The following HTR2C variants were observed in gnomAD, a reference collection of about 807,000 sequenced individuals.
HTR2C encodes 5-hydroxytryptamine receptor 2C, also known as 5-hydroxytryptamine (serotonin) receptor 2C, G protein-coupled.
A neutral mutation model predicts 21.0 loss-of-function variants in HTR2C; 5 were observed. The ratio of observed to expected loss-of-function variants is 0.24; its 90% CI spans 0.12 to 0.50. The LOEUF (loss-of-function observed/expected upper bound fraction) is 0.50, where lower values mean the gene tolerates loss of function less well. HTR2C is among the 20% of genes least tolerant of loss of function. The pLI, the probability that HTR2C is intolerant of heterozygous loss-of-function variation, is 0.98. For synonymous variants in HTR2C, 150 were observed against 145.3 expected (o/e 1.03, Z -0.23); for missense variants, 271 against 371.2 (o/e 0.73, Z 2.22).
rs111662322 is a variant in HTR2C at position 114,622,088 on chromosome X, T to C, written c.-80+8207T>C. On this transcript the variant is annotated intron_variant, in intron 2 of 5. Transcript: ENST00000276198. Reference sequence around the variant, plus strand: ...ATGCTTTATACAAATGATCAGGGCTTGCAAATTTATTGATGAAATGGGAAA... The same window carrying C: ...ATGCTTTATACAAATGATCAGGGCTCGCAAATTTATTGATGAAATGGGAAA... Among the ~76,000 whole-genome samples, 783 of 111,906 alleles carry C rather than the reference T, an allele frequency of 7.0e-3. 3 individuals are homozygous for C. The highest frequency in any genetic ancestry group is 0.01 in the Admixed American group (107 of 10,518).
At chrX:114,755,307 G>A (rs1470227704) in intron 4 of HTR2C, among the ~76,000 whole-genome samples, 2 of 109,675 alleles carry the variant, frequency 1.8e-5, no homozygotes, top group East Asian at 2.9e-4. Flanking sequence ...TCTGAAATCA[G>A]TACTATTAAA....
chrX:114,769,272 G>A (rs1305941552), intron 4 of HTR2C, among the ~76,000 whole-genome samples: 1 of 110,940 alleles, frequency 9.0e-6, no homozygotes, highest in Non-Finnish European at 1.9e-5. Context: ...TATAGGTACA[G>A]TATATTGGAT....
intron 2 of HTR2C, among the ~76,000 whole-genome samples, chrX:114,723,336 G>A (rs1274000475): frequency 9.0e-6 from 1 of 111,278 alleles, no homozygotes; most frequent in East Asian, 2.8e-4. Context: ...ATGGTAGTTT[G>A]TATTTCTGTG....
intron 2 of HTR2C, among the ~76,000 whole-genome samples, chrX:114,699,734 G>A (rs1474082328): frequency 8.9e-6 from 1 of 111,871 alleles, no homozygotes; most frequent in Non-Finnish European, 1.9e-5. Flanking sequence ...GTTATACTTT[G>A]AAAGTCTACC....
chrX:114,783,571 T>C (rs2070141813), intron 4 of HTR2C, among the ~76,000 whole-genome samples: 1 of 111,856 alleles, frequency 8.9e-6, no homozygotes, highest in South Asian at 3.7e-4. Context: ...ATAAAATATT[T>C]GAAAAACATG....
chrX:114,817,911 A>G (rs1196128415), intron 4 of HTR2C, among the ~76,000 whole-genome samples: 1 of 111,759 alleles, frequency 8.9e-6, no homozygotes, highest in Non-Finnish European at 1.9e-5. Flanking sequence ...TACAGACCAA[A>G]ACCCCTTACA....
rs782184144 is a variant in HTR2C at position 114,731,576 on chromosome X, C to T, written c.318C>T (p.Val106=). Residue 106 remains valine, a synonymous_variant, in exon 4 of 6, where the codon GTC becomes GTT. Transcript: ENST00000276198. ...AIADMLVGLL[V]MPLSLLAILY... Reference sequence around the variant, plus strand: ...CTGATATGCTAGTGGGACTACTTGTCATGCCCCTGTCTCTCCTGGCAATCC... The same window carrying T: ...CTGATATGCTAGTGGGACTACTTGTTATGCCCCTGTCTCTCCTGGCAATCC... The T allele has an allele frequency of 8.3e-7, 1 of 1,200,797 alleles. No homozygotes were observed. Among genetic ancestry groups the T allele is most frequent in the Non-Finnish European group, 1.1e-6 (1 of 886,777 alleles).
At chrX:114,867,524 G>C (rs2071055010) in intron 5 of HTR2C, among the ~76,000 whole-genome samples, 1 of 111,089 alleles carries the variant, frequency 9.0e-6, no homozygotes, top group Non-Finnish European at 1.9e-5. Flanking sequence ...GGTCCTATTT[G>C]TCCATTTTTG....
At chrX:114,663,776 T>C (rs1464553082) in intron 2 of HTR2C, among the ~76,000 whole-genome samples, 1 of 111,494 alleles carries the variant, frequency 9.0e-6, no homozygotes, top group Admixed American at 9.6e-5. Flanking sequence ...TTTTTGTCTC[T>C]TGAACTGAAA....
chrX:114,803,905 T>A (rs1182993168), intron 4 of HTR2C, among the ~76,000 whole-genome samples: 3 of 112,031 alleles, frequency 2.7e-5, no homozygotes, highest in Non-Finnish European at 5.6e-5. Context: ...GAAAAATAAA[T>A]CAAGCCACTT....
At chrX:114,806,968 A>G (rs1337768589) in intron 4 of HTR2C, among the ~76,000 whole-genome samples, 3 of 100,993 alleles carry the variant, frequency 3.0e-5, no homozygotes, top group Non-Finnish European at 6.0e-5. Flanking sequence ...TGTATATACC[A>G]TATATACCAT....
intron 2 of HTR2C, among the ~76,000 whole-genome samples, chrX:114,690,751 G>A (rs1556415008): frequency 1.8e-5 from 2 of 111,008 alleles, no homozygotes; most frequent in Non-Finnish European, 3.8e-5. Flanking sequence ...AACTCAATAC[G>A]GATTAAAAAC....
At chrX:114,748,254 ATAAAT>A (rs1478796269) in intron 4 of HTR2C, among the ~76,000 whole-genome samples, 2 of 112,032 alleles carry the variant, frequency 1.8e-5, no homozygotes, top group African/African-American at 6.5e-5. Flanking sequence ...TACTGATGAA[ATAAAT>A]TAAAGACCCA....
intron 1 of HTR2C, among the ~76,000 whole-genome samples, chrX:114,601,461 G>A (rs781791842): frequency 0.01 from 1,074 of 106,612 alleles, 20 homozygotes; most frequent in African/African-American, 0.035. Context: ...TCTCTGGCGG[G>A]CAGGAGTGGG....
intron 4 of HTR2C, among the ~76,000 whole-genome samples, chrX:114,785,954 C>A (rs781921641): frequency 8.9e-6 from 1 of 111,906 alleles, no homozygotes; most frequent in Non-Finnish European, 1.9e-5. Context: ...GAGTAGTAAC[C>A]AGAGCATATA....
intron 4 of HTR2C, among the ~76,000 whole-genome samples, chrX:114,755,251 A>C (rs1330416252): frequency 1.8e-5 from 2 of 109,997 alleles, no homozygotes; most frequent in Non-Finnish European, 3.8e-5. Context: ...AAAAAAAAAA[A>C]AAAAAACACG....
At chrX:114,824,484 T>C (rs1556457558) in intron 4 of HTR2C, among the ~76,000 whole-genome samples, 1 of 112,226 alleles carries the variant, frequency 8.9e-6, no homozygotes, top group Non-Finnish European at 1.9e-5. Context: ...AATTTCACTA[T>C]GGATCTTTAT....
chrX:114,749,469 A>G (rs868915437), intron 4 of HTR2C, among the ~76,000 whole-genome samples: 21 of 105,688 alleles, frequency 2.0e-4, no homozygotes, highest in Admixed American at 9.3e-4. Context: ...AAAAAAAAAA[A>G]AAAAAAAGAA....
At chrX:114,806,389 TATACTGTATATATATAC>T (rs1556449625) in intron 4 of HTR2C, among the ~76,000 whole-genome samples, 2,260 of 79,556 alleles carry the variant, frequency 0.028, 471 homozygotes, top group African/African-American at 0.055. Context: ...ACCATATATA[TATACTGTATATATATAC>T]ACCATATATA....
Sources: gnomAD v4.1 joint callset for allele counts (sites outside exome capture counted in the v4.1 genomes callset) on GRCh38, gnomAD v4.1.1 for gene constraint, MANE v1.5 for transcripts, NCBI Gene and HGNC (gene_info 2026-07-23, HGNC 2026-07-21) for gene names.